Variants in TAOK3 observed in about 807,000 individuals in gnomAD.
The protein encoded by TAOK3 is serine/threonine-protein kinase TAO3.
In TAOK3, 40 loss-of-function variants were observed where a neutral mutation model predicts 120.4. That is an observed-to-expected ratio of 0.33 (90% CI 0.26 to 0.43). TAOK3 has a LOEUF of 0.43. Among genes scored for constraint, TAOK3 ranks in the 20% least tolerant of loss-of-function variants. TAOK3 has a pLI of 1.00. For synonymous variants in TAOK3, 355 were observed against 387.5 expected (o/e 0.92, Z 0.99); for missense variants, 821 against 1,112.1 (o/e 0.74, Z 3.72).
intron 5 of TAOK3, 66 bp from the exon 6 acceptor site, chr12:118,239,338 A>C: frequency 1.1e-6 from 1 of 894,102 alleles, no homozygotes; most frequent in South Asian, 1.5e-5. Context: ...AAACCAACTA[A>C]ACAACCAATC....
chr12:118,157,320 A>C (rs1439201037), intron 19 of TAOK3, among the ~76,000 whole-genome samples: 1 of 152,074 alleles, frequency 6.6e-6, no homozygotes, highest in Non-Finnish European at 1.5e-5. Context: ...CTGATGTCAC[A>C]CCCTGCTTAA....
Position 118,294,360 on chromosome 12 carries a change from C to T in TAOK3, c.-193-27601G>A, listed in dbSNP as rs2042594324. On this transcript the variant is annotated intron_variant, in intron 1 of 20. Coordinates refer to ENST00000392533, the MANE Select transcript of TAOK3 (RefSeq NM_016281.4). ...CTCTCTTTCACTATAGATTAGTTTA[C>T]ATTTTCCAGAATTTCTTTTCTTTTC... Among the ~76,000 whole-genome samples the T allele has an allele frequency of 2.0e-5, 3 of 151,856 alleles. No homozygotes were observed. The South Asian group carries it at 6.2e-4, about 32-fold the overall frequency.
Position 118,213,785 on chromosome 12 carries a change from C to T in TAOK3, c.737+232G>A, listed in dbSNP as rs144319646. Among the ~76,000 whole-genome samples the T allele has an allele frequency of 7.9e-5, 12 of 152,208 alleles. 1 individual carries two copies. Among genetic ancestry groups the T allele is most frequent in the South Asian group, 4.2e-4 (2 of 4,816 alleles). The stretch of plus-strand genomic sequence containing the variant: ...CATGTTCCCTGCAGGATTTTGGTTA[C>T]TAGACACATTAAGAACACAGTGCAA... On this transcript the variant is annotated intron_variant, in intron 10 of 20. Transcript: ENST00000392533.
intron 15 of TAOK3, among the ~76,000 whole-genome samples, chr12:118,179,885 A>G (rs2036591848): frequency 6.7e-6 from 1 of 149,008 alleles, no homozygotes; most frequent in Admixed American, 6.7e-5. Context: ...ACCTCAAGTG[A>G]TCCACCCACC....
chr12:118,197,255 T>G (rs972469604), intron 13 of TAOK3, among the ~76,000 whole-genome samples: 8 of 152,194 alleles, frequency 5.3e-5, no homozygotes, highest in Non-Finnish European at 1.2e-4. Context: ...TCTATATATT[T>G]CATGATAAAA....
In TAOK3 at chr12:118,234,376, C is replaced by G. The variant is rs556623296; in HGVS notation, c.552-611G>C. 1.2e-3 allele frequency among the ~76,000 whole-genome samples: 181 copies of G among 150,730 alleles called. 1 individual carries two copies. Among genetic ancestry groups the G allele is most frequent in the African/African-American group, 4.3e-3 (176 of 41,064 alleles). On this transcript the variant is annotated intron_variant, in intron 8 of 20. Coordinates refer to ENST00000392533, the MANE Select transcript of TAOK3 (RefSeq NM_016281.4). ...CCCGAGTAGCTGGGACTACAAGTAGCTGGGACTACAGGCGCCTGCCACCAT... is the reference window on the plus strand; with the variant it reads ...CCCGAGTAGCTGGGACTACAAGTAGGTGGGACTACAGGCGCCTGCCACCAT...
In TAOK3 at chr12:118,238,116, A is replaced by C; in HGVS notation, c.394T>G (p.Leu132Val). 1 of 1,612,730 alleles carries C rather than the reference A, an allele frequency of 6.2e-7. No individual in the cohort carries two copies. Among genetic ancestry groups the C allele is most frequent in the East Asian group, 2.2e-5 (1 of 44,840 alleles). The change falls in exon 7 of 21, where the codon TTG becomes GTG. Residue 132 changes from leucine (L) to valine (V), a missense_variant. Physicochemically the swap from Leu to Val is conservative, Grantham distance 32. Coordinates refer to ENST00000392533, the MANE Select transcript of TAOK3 (RefSeq NM_016281.4). Reference sequence around the variant, plus strand: ...GAATGTAGGTAGGCTAGTCCATGCAAGGCTCCATGAGTAATGGCAGCGATC... The same window carrying C: ...GAATGTAGGTAGGCTAGTCCATGCACGGCTCCATGAGTAATGGCAGCGATC... ...VEIAAITHGA[L>V]HGLAYLHSHA...
At chr12:118,240,135 G>A (rs974512777) in intron 5 of TAOK3, among the ~76,000 whole-genome samples, 11 of 152,008 alleles carry the variant, frequency 7.2e-5, no homozygotes, top group Admixed American at 1.3e-4. Context: ...TGCAATCTGC[G>A]GAGGCTTTCT....
chr12:118,338,500 G>A (rs1209017481), intron 1 of TAOK3, among the ~76,000 whole-genome samples: 1 of 152,094 alleles, frequency 6.6e-6, no homozygotes, highest in African/African-American at 2.4e-5. Flanking sequence ...GAAAACAGAG[G>A]AAGTGGGCTG....
At chr12:118,223,976 A>G (rs963657735) in intron 9 of TAOK3, among the ~76,000 whole-genome samples, 5 of 152,224 alleles carry the variant, frequency 3.3e-5, no homozygotes, top group African/African-American at 7.2e-5. Context: ...GTTGAAAACC[A>G]TAATAACTAA....
At chr12:118,236,423 T>A (rs997908892) in intron 7 of TAOK3, 8 of 152,132 alleles carry the variant, frequency 5.3e-5, no homozygotes, top group Non-Finnish European at 1.5e-5. Flanking sequence ...AAAATATAAT[T>A]CAAAAAATTC....
intron 19 of TAOK3, among the ~76,000 whole-genome samples, chr12:118,154,455 G>GT (rs1316706772): frequency 6.6e-6 from 1 of 151,984 alleles, no homozygotes; most frequent in African/African-American, 2.4e-5. Context: ...TTTTTTCGTG[G>GT]TTTTTGAGAC....
At chr12:118,279,439 A>AT (rs369174298) in intron 1 of TAOK3, among the ~76,000 whole-genome samples, 39 of 145,476 alleles carry the variant, frequency 2.7e-4, no homozygotes, top group South Asian at 1.3e-3. Context: ...GTCAATTTTT[A>AT]TTTTTTTTTT....
chr12:118,225,499 T>C (rs1186706276), intron 9 of TAOK3, among the ~76,000 whole-genome samples: 1 of 152,112 alleles, frequency 6.6e-6, no homozygotes, highest in Non-Finnish European at 1.5e-5. Flanking sequence ...GTATGACTTA[T>C]TACATTACTG....
At chr12:118,203,573 G>C (rs924022756) in intron 11 of TAOK3, among the ~76,000 whole-genome samples, 3 of 151,858 alleles carry the variant, frequency 2.0e-5, no homozygotes, top group South Asian at 2.1e-4. Context: ...GCATGGTGAC[G>C]TGCATCTGTA....
chr12:118,214,761 T>C (rs1300204028), intron 9 of TAOK3, among the ~76,000 whole-genome samples: 7 of 109,310 alleles, frequency 6.4e-5, no homozygotes, highest in Non-Finnish European at 7.7e-5. Flanking sequence ...TTTTTTTTTT[T>C]TGAGATGGAG....
chr12:118,248,128 G>T (rs1339091822), intron 3 of TAOK3, among the ~76,000 whole-genome samples: 1 of 150,580 alleles, frequency 6.6e-6, no homozygotes, highest in Admixed American at 6.6e-5. Flanking sequence ...TTTTAAAAAC[G>T]GTTAATTCAA....
intron 13 of TAOK3, among the ~76,000 whole-genome samples, chr12:118,196,433 T>C (rs2037733586): frequency 6.6e-6 from 1 of 151,910 alleles, no homozygotes; most frequent in South Asian, 2.1e-4. Context: ...TCAAATTAAT[T>C]TGACTAATTT....
chr12:118,227,169 G>A lies in TAOK3; in HGVS notation c.643+6505C>T, dbSNP rs976419864. 5.3e-5 allele frequency among the ~76,000 whole-genome samples: 8 copies of A among 151,366 alleles called. No individual in the cohort carries two copies. In the East Asian group the frequency reaches 7.8e-4, roughly 15 times the overall value. On this transcript the variant is annotated intron_variant, in intron 9 of 20. Transcript: ENST00000392533. ...AAGTGGCACATTCTTTTAAAAGATC[G>A]TAACTGAGGTGTTGCTATGATGGTC...
Sources: allele counts gnomAD v4.1 joint callset (sites outside exome capture counted in the v4.1 genomes callset), GRCh38; gene constraint gnomAD v4.1.1; transcripts MANE v1.5; gene names NCBI Gene and HGNC (gene_info 2026-07-23, HGNC 2026-07-21).